DMGDH: variants seen among roughly 807,000 people sequenced by gnomAD.
DMGDH encodes dimethylglycine dehydrogenase.
Under a neutral mutation model 95.2 loss-of-function variants are expected in DMGDH, and 76 were observed. The observed-to-expected ratio is 0.80, with a 90% CI of 0.66 to 0.97. The LOEUF is 0.97. DMGDH is among the 50% of genes least tolerant of loss of function. The pLI is 0.00. For missense variants in DMGDH, 987 were observed against 1,055.0 expected, an observed-to-expected ratio of 0.94 and a Z score of 0.89; for synonymous variants, 345 against 377.6, an observed-to-expected ratio of 0.91 and a Z score of 1.00.
intron 2 of DMGDH, among the ~76,000 whole-genome samples, chr5:79,057,007 T>C (rs926024766): frequency 6.6e-6 from 1 of 152,220 alleles, no homozygotes; most frequent in African/African-American, 2.4e-5. Flanking sequence ...GGAGCAGCCC[T>C]CCTGGCCCTT....
intron 1 of DMGDH, among the ~76,000 whole-genome samples, chr5:79,065,360 T>C (rs1049966424): frequency 3.3e-5 from 5 of 151,514 alleles, no homozygotes; most frequent in East Asian, 3.9e-4. Flanking sequence ...TACAGACACG[T>C]ACCACCACGC....
intron 14 of DMGDH, among the ~76,000 whole-genome samples, chr5:79,017,546 A>G (rs900264493): frequency 5.3e-5 from 8 of 152,230 alleles, no homozygotes; most frequent in Non-Finnish European, 1.0e-4. Context: ...GGAACTTCAC[A>G]TACTGCTGGT....
intron 15 of DMGDH, among the ~76,000 whole-genome samples, chr5:79,001,317 C>T (rs1753449611): frequency 6.6e-6 from 1 of 152,184 alleles, no homozygotes; most frequent in African/African-American, 2.4e-5. Flanking sequence ...TGTACACCAC[C>T]ATGCCTGGCC....
chr5:79,036,020 C>G (rs1718213874), intron 7 of DMGDH, among the ~76,000 whole-genome samples: 1 of 152,198 alleles, frequency 6.6e-6, no homozygotes, highest in Non-Finnish European at 1.5e-5. Flanking sequence ...GGGAAAAGAT[C>G]TGGGTATGAT....
rs113543372 is a variant in DMGDH at position 79,000,644 on chromosome 5, T to C, written c.2386-2347A>G. On this transcript the variant is annotated intron_variant, in intron 15 of 15. Coordinates refer to ENST00000255189, the MANE Select transcript of DMGDH (RefSeq NM_013391.3). ...TCAACATCTTCCTCTTCAGTTTCTTTCTTTGCCTCTGGGCCTGGTTCTGTC... is the reference window on the plus strand; with the variant it reads ...TCAACATCTTCCTCTTCAGTTTCTTCCTTTGCCTCTGGGCCTGGTTCTGTC... 8.9e-5 allele frequency: 55 copies of C among 615,108 alleles called. 1 individual carries two copies. Among genetic ancestry groups the C allele is most frequent in the African/African-American group, 8.3e-4 (45 of 54,454 alleles). 38.1% of individuals were successfully genotyped at this position (615,108 alleles called of 1,614,324 possible). A position where few individuals can be genotyped will look rare whatever the true frequency, so the allele number is the denominator to read the frequency against.
intron 5 of DMGDH, among the ~76,000 whole-genome samples, chr5:79,049,625 T>A (rs1442528658): frequency 6.6e-6 from 1 of 152,218 alleles, no homozygotes; most frequent in Non-Finnish European, 1.5e-5. Context: ...TCCTTGCTAC[T>A]TAGAAAAAAG....
chr5:79,048,649 T>A (rs534966221), intron 5 of DMGDH, among the ~76,000 whole-genome samples: 1 of 152,330 alleles, frequency 6.6e-6, no homozygotes, highest in Non-Finnish European at 1.5e-5. Flanking sequence ...GCTTCAGTTC[T>A]AAAAGGGAGC....
chr5:79,031,081 C>T (rs1382958219), intron 9 of DMGDH, 83 bp from the exon 10 acceptor site: 20 of 1,496,816 alleles, frequency 1.3e-5, no homozygotes, highest in Non-Finnish European at 1.6e-5. Context: ...ATAAGCCCTA[C>T]TCATCTAGAA....
At chr5:79,049,272 T>C (rs1754767389) in intron 5 of DMGDH, among the ~76,000 whole-genome samples, 1 of 148,446 alleles carries the variant, frequency 6.7e-6, no homozygotes, top group Admixed American at 6.6e-5. Context: ...GTATGTAGTT[T>C]AGAAAAAAAA....
chr5:79,066,581 A>G (rs1755389748), intron 1 of DMGDH, among the ~76,000 whole-genome samples: 1 of 152,020 alleles, frequency 6.6e-6, no homozygotes, highest in South Asian at 2.1e-4. Context: ...GGTGTGAGCC[A>G]CCACGCCCGG....
chr5:79,021,817 C>T, intron 14 of DMGDH: 2 of 938,310 alleles, frequency 2.1e-6, no homozygotes, highest in Non-Finnish European at 2.9e-6. Flanking sequence ...GATAAGCCCA[C>T]TGTGGAAAAG....
rs954452575 is a variant in DMGDH at position 79,069,536 on chromosome 5, C to G, written c.85G>C (p.Val29Leu). 1.1e-5 allele frequency: 14 copies of G among 1,308,978 alleles called. No individual in the cohort carries two copies. Among genetic ancestry groups the G allele is most frequent in the Non-Finnish European group, 1.4e-5 (14 of 1,031,938 alleles). 81.1% of individuals were successfully genotyped at this position (1,308,978 alleles called of 1,614,324 possible). A position where few individuals can be genotyped will look rare whatever the true frequency, so the allele number is the denominator to read the frequency against. The change falls in exon 1 of 16, where the codon GTC (valine) becomes CTC (leucine). Residue 29 changes from valine to leucine, a missense_variant. By Grantham distance (32) the Val-to-Leu change is conservative. Transcript: ENST00000255189. ...CCCACTCACCCTTCCCGGCCGCAGACAGAGCGCGGGCGCCCGGGGGAGCCC... is the reference window on the plus strand; with the variant it reads ...CCCACTCACCCTTCCCGGCCGCAGAGAGAGCGCGGGCGCCCGGGGGAGCCC... ...LQGSPGRPRSVCGREGEEKPP... is the reference protein window; with the variant it reads ...LQGSPGRPRSLCGREGEEKPP...
At chr5:79,032,939 A>G in intron 8 of DMGDH, 99 bp from the exon 9 acceptor site, 2 of 1,388,794 alleles carry the variant, frequency 1.4e-6, no homozygotes, top group Non-Finnish European at 2.0e-6. Context: ...TAAAATCCAG[A>G]TGCATAAACA....
chr5:79,007,859 T>C (rs1420910677), intron 14 of DMGDH, among the ~76,000 whole-genome samples: 1 of 152,210 alleles, frequency 6.6e-6, no homozygotes, highest in Non-Finnish European at 1.5e-5. Context: ...GATACTGTGT[T>C]AGGCAGCGGG....
rs753014331 is a variant in DMGDH at position 79,028,409 on chromosome 5, G to A, written c.2032+24C>T. The A allele has an allele frequency of 2.6e-6, 4 of 1,565,510 alleles. No homozygotes were observed. The East Asian group carries it at 6.7e-5, about 26-fold the overall frequency. On this transcript the variant is annotated intron_variant, in intron 12 of 15. Transcript: ENST00000255189. ...TGACCTTTTAAATTTCAGAGACTTA[G>A]TCCAGGTTGTTTTCCAATCTTACCA...
chr5:79,019,975 G>C (rs1284368826), intron 14 of DMGDH, among the ~76,000 whole-genome samples: 1 of 152,134 alleles, frequency 6.6e-6, no homozygotes, highest in Non-Finnish European at 1.5e-5. Flanking sequence ...GGTCTGGGAT[G>C]GTACTCAACA....
At position 79,032,635 on chromosome 5, in the gene DMGDH, C is replaced by T. The variant is rs146785345; in HGVS notation, c.1517+52G>A. On this transcript the variant is annotated intron_variant, in intron 9 of 15. Transcript: ENST00000255189. ...GCAGAATCAGCGCTTTTTGCTGTCC[C>T]GTTGTTTCACCCCTCGGTCAGAACC... 1.5e-4 allele frequency: 234 copies of T among 1,612,272 alleles called. 3 individuals carry two copies. In the Admixed American group the frequency reaches 3.6e-3, roughly 25 times the overall value.
In DMGDH at chr5:79,050,273, AATATATATAT is replaced by A. The variant is rs761250761; in HGVS notation, c.745+1004_745+1013del. 7.9e-3 allele frequency among the ~76,000 whole-genome samples: 165 copies of A among 20,918 alleles called. 6 individuals carry two copies. Among genetic ancestry groups the A allele is most frequent in the Middle Eastern group, 0.025 (1 of 40 alleles). 13.7% of individuals were successfully genotyped at this position (20,918 alleles called of 152,430 possible). On this transcript the variant is annotated intron_variant, in intron 5 of 15. Transcript: ENST00000255189. ...CAAAAAAAAAAAAAAAAAAAAAAAA[AATATATATAT>A]ATATATATATATATATATACCTCAA...
At chr5:79,063,126 C>A (rs1755259006) in intron 2 of DMGDH, among the ~76,000 whole-genome samples, 1 of 151,762 alleles carries the variant, frequency 6.6e-6, no homozygotes, top group Non-Finnish European at 1.5e-5. Context: ...ATAAATAAAA[C>A]CATAAGTAAA....
Sources: allele counts gnomAD v4.1 joint callset (sites outside exome capture counted in the v4.1 genomes callset), GRCh38; gene constraint gnomAD v4.1.1; transcripts MANE v1.5; gene names NCBI Gene and HGNC (gene_info 2026-07-23, HGNC 2026-07-21).